The following MEMO1 variants were observed in gnomAD, a reference collection of about 807,000 sequenced individuals.
MEMO1 encodes the protein protein MEMO1.
In MEMO1, 6 loss-of-function variants were observed where a neutral mutation model predicts 45.2. That is an observed-to-expected ratio of 0.13 (90% CI 0.07 to 0.26). The LOEUF (loss-of-function observed/expected upper bound fraction) is 0.26, where lower values mean the gene tolerates loss of function less well. Ranked by LOEUF, MEMO1 falls within the 10% of genes least tolerant of loss-of-function variation. The pLI is 1.00. For synonymous variants in MEMO1, 78 were observed against 124.3 expected, an observed-to-expected ratio of 0.63 and a Z score of 2.48; for missense variants, 184 against 370.5, an observed-to-expected ratio of 0.50 and a Z score of 4.13.
At chr2:31,951,099 G>A (rs564571252) in intron 2 of MEMO1, among the ~76,000 whole-genome samples, 39 of 152,206 alleles carry the variant, frequency 2.6e-4, no homozygotes, top group South Asian at 1.2e-3. Context: ...TGTAACAGAC[G>A]GTTTCAGAAA....
intron 3 of MEMO1, among the ~76,000 whole-genome samples, chr2:31,933,352 TATA>T (rs1664507834): frequency 8.2e-5 from 1 of 12,218 alleles, no homozygotes; most frequent in Non-Finnish European, 1.3e-4. Context: ...AAAAAAAATT[TATA>T]TATATATATA....
At chr2:32,002,047 G>A (rs1174149057) in intron 2 of MEMO1, among the ~76,000 whole-genome samples, 1 of 150,384 alleles carries the variant, frequency 6.6e-6, no homozygotes, top group East Asian at 2.0e-4. Context: ...TTGGGAGGCT[G>A]AGGCAGGGGA....
chr2:32,007,409 T>C (rs1674234712), intron 2 of MEMO1, among the ~76,000 whole-genome samples: 1 of 152,204 alleles, frequency 6.6e-6, no homozygotes, highest in Admixed American at 6.5e-5. Context: ...AGTTCTTACT[T>C]ACTTCAAATA....
At chr2:31,991,319 T>C (rs1440819636) in intron 2 of MEMO1, among the ~76,000 whole-genome samples, 1 of 152,150 alleles carries the variant, frequency 6.6e-6, no homozygotes. Flanking sequence ...ACCCCTGTAA[T>C]CCCAGCACTT....
intron 3 of MEMO1, among the ~76,000 whole-genome samples, chr2:31,938,786 A>ATTT (rs398042391): frequency 8.6e-5 from 12 of 138,790 alleles, no homozygotes; most frequent in African/African-American, 2.1e-4. Context: ...ATAGAACAAT[A>ATTT]TTTTTTTTTT....
intron 6 of MEMO1, among the ~76,000 whole-genome samples, chr2:31,916,441 C>A (rs919741791): frequency 3.3e-5 from 5 of 152,168 alleles, no homozygotes; most frequent in African/African-American, 1.2e-4. Context: ...ATTGCCCAGG[C>A]TAGTCTTGAA....
At chr2:31,955,221 A>T (rs562134423) in intron 2 of MEMO1, among the ~76,000 whole-genome samples, 1 of 152,076 alleles carries the variant, frequency 6.6e-6, no homozygotes, top group South Asian at 2.1e-4. Flanking sequence ...ACAAACAAAC[A>T]AACGTGAGGC....
At chr2:31,960,335 A>G (rs74721028) in intron 2 of MEMO1, among the ~76,000 whole-genome samples, 2,369 of 152,258 alleles carry the variant, frequency 0.016, 79 homozygotes, top group African/African-American at 0.054. Context: ...AAATACTAGC[A>G]TTTGGTGTTG....
intron 2 of MEMO1, among the ~76,000 whole-genome samples, chr2:31,969,525 G>A (rs959411536): frequency 4.0e-5 from 6 of 151,190 alleles, no homozygotes; most frequent in African/African-American, 1.2e-4. Flanking sequence ...GATAACAAGT[G>A]ACTTATTTCA....
chr2:32,010,118 G>A, intron 2 of MEMO1, 69 bp downstream of exon 2: 1 of 834,952 alleles, frequency 1.2e-6, no homozygotes, highest in Non-Finnish European at 1.4e-6. Flanking sequence ...CCGGGCCGCC[G>A]ACCTCGGCCG....
At chr2:32,002,265 A>G (rs759221224) in intron 2 of MEMO1, among the ~76,000 whole-genome samples, 2 of 147,618 alleles carry the variant, frequency 1.4e-5, no homozygotes, top group Non-Finnish European at 3.0e-5. Flanking sequence ...GTATATATAC[A>G]TACACATATA....
chr2:31,921,119 T>C (rs1682261238), intron 4 of MEMO1, among the ~76,000 whole-genome samples: 1 of 152,070 alleles, frequency 6.6e-6, no homozygotes, highest in Non-Finnish European at 1.5e-5. Flanking sequence ...AGAGATAAGG[T>C]CTTCAAAGAG....
intron 2 of MEMO1, among the ~76,000 whole-genome samples, chr2:31,959,550 A>G (rs1260652856): frequency 6.6e-6 from 1 of 152,060 alleles, no homozygotes. Flanking sequence ...AGAAATTGGG[A>G]GCCTTTGAGC....
chr2:31,881,106 G>C (rs1484656154), intron 8 of MEMO1, among the ~76,000 whole-genome samples: 3 of 152,058 alleles, frequency 2.0e-5, no homozygotes, highest in Middle Eastern at 3.4e-3. Flanking sequence ...AAAGACAGTA[G>C]GATCAACATC....
intron 6 of MEMO1, among the ~76,000 whole-genome samples, chr2:31,917,306 C>A (rs1286830045): frequency 6.6e-6 from 1 of 152,088 alleles, no homozygotes; most frequent in East Asian, 1.9e-4. Context: ...GAAGAAAACC[C>A]TTGAAATAAT....
At chr2:31,915,594 C>A (rs1316706971) in intron 6 of MEMO1, among the ~76,000 whole-genome samples, 1 of 151,840 alleles carries the variant, frequency 6.6e-6, no homozygotes, top group South Asian at 2.1e-4. Context: ...CTAAGCTATT[C>A]TTCTAGAGAG....
intron 6 of MEMO1, among the ~76,000 whole-genome samples, chr2:31,914,961 TA>T (rs34556047): frequency 0.12 from 13,851 of 120,204 alleles, 713 homozygotes; most frequent in Middle Eastern, 0.22. Context: ...TGTCTCTTTT[TA>T]AAAAAAAAAA....
At chr2:32,002,318 CAT>C (rs1436739308) in intron 2 of MEMO1, among the ~76,000 whole-genome samples, 20 of 144,226 alleles carry the variant, frequency 1.4e-4, no homozygotes, top group African/African-American at 4.5e-4. Context: ...TATACATACA[CAT>C]ATATACATAT....
intron 2 of MEMO1, among the ~76,000 whole-genome samples, chr2:31,995,770 C>T (rs1043202968): frequency 1.3e-5 from 2 of 151,666 alleles, no homozygotes; most frequent in South Asian, 4.1e-4. Flanking sequence ...AACTATAACC[C>T]AGGCATCTAA....
Sources: allele counts gnomAD v4.1 joint callset (sites outside exome capture counted in the v4.1 genomes callset), GRCh38; gene constraint gnomAD v4.1.1; transcripts MANE v1.5; gene names NCBI Gene and HGNC (gene_info 2026-07-23, HGNC 2026-07-21).